Variants in SMS observed in about 807,000 individuals in gnomAD.
SMS encodes the protein spermidine aminopropyltransferase.
SMS carries 3 observed loss-of-function variants against 33.0 expected under a neutral mutation model. That is an observed-to-expected ratio of 0.09 (90% confidence interval 0.04 to 0.23). The LOEUF (loss-of-function observed/expected upper bound fraction) is 0.23. SMS is among the 10% of genes least tolerant of loss of function. The probability of loss-of-function intolerance (pLI) is 1.00; values close to 1 mark genes in which losing one functional copy is unlikely to be tolerated. For synonymous variants in SMS, 103 were observed against 112.2 expected (o/e 0.92, Z 0.52); for missense variants, 117 against 288.6 (o/e 0.41, Z 4.31).
chrX:21,968,634 A>G (rs1923908868), intron 2 of SMS, among the ~76,000 whole-genome samples: 1 of 112,327 alleles, frequency 8.9e-6, no homozygotes, highest in Non-Finnish European at 1.9e-5. Flanking sequence ...ACCGCAGACC[A>G]TGGTAAAATG....
intron 2 of SMS, 106 bp downstream of exon 2, chrX:21,967,422 C>A: frequency 1.1e-6 from 1 of 878,296 alleles, no homozygotes; most frequent in Non-Finnish European, 1.7e-6. Flanking sequence ...TCTCCTTTGA[C>A]ATCTTTTAGG....
At chrX:21,983,947 T>A (rs974054478) in intron 7 of SMS, among the ~76,000 whole-genome samples, 1 of 111,573 alleles carries the variant, frequency 9.0e-6, no homozygotes, top group Non-Finnish European at 1.9e-5. Flanking sequence ...CAGTATAGAT[T>A]AGAGATGAAA....
Position 21,973,810 on chromosome X carries a change from A to G in SMS, c.329+1239A>G, listed in dbSNP as rs748643837. On this transcript the variant is annotated intron_variant, in intron 4 of 10. Coordinates refer to ENST00000404933, the MANE Select transcript of SMS (RefSeq NM_004595.5). ...AGTGTCTGCCATGTGGGACAGTACA[A>G]CTACGGAACATTTTCATCATCCAAA... 2.6e-5 allele frequency among the ~76,000 whole-genome samples: 3 copies of G among 113,446 alleles called. No individual in the cohort carries two copies. The South Asian group carries it at 1.1e-3, about 41-fold the overall frequency.
intron 7 of SMS, among the ~76,000 whole-genome samples, chrX:21,981,826 G>A (rs1924966099): frequency 9.0e-6 from 1 of 111,441 alleles, no homozygotes; most frequent in Non-Finnish European, 1.9e-5. Flanking sequence ...ATCTCTTAAA[G>A]ATAGGACACT....
intron 1 of SMS, among the ~76,000 whole-genome samples, chrX:21,965,584 C>CAAAAAAAAAAAAA (rs372094407): frequency 7.1e-4 from 43 of 60,536 alleles, no homozygotes; most frequent in East Asian, 1.5e-3. Context: ...ACTACAAATA[C>CAAAAAAAAAAAAA]AAAAAAAAAA....
At chrX:21,992,013 T>C (rs1238479016) in intron 9 of SMS, among the ~76,000 whole-genome samples, 1 of 111,703 alleles carries the variant, frequency 9.0e-6, no homozygotes, top group Non-Finnish European at 1.9e-5. Flanking sequence ...AAGGGAGAAA[T>C]GTTAGAATAA....
intron 1 of SMS, among the ~76,000 whole-genome samples, chrX:21,948,836 C>T (rs1417922738): frequency 8.9e-6 from 1 of 112,225 alleles, no homozygotes; most frequent in Non-Finnish European, 1.9e-5. Context: ...CAGTTGTAAC[C>T]TAAGCCTGCT....
chrX:21,978,166 T>G, intron 6 of SMS, 52 bp downstream of exon 6: 1 of 1,090,685 alleles, frequency 9.2e-7, no homozygotes, highest in South Asian at 1.8e-5. Context: ...TTTGTTTCCT[T>G]CCTTCAGTGT....
intron 1 of SMS, among the ~76,000 whole-genome samples, chrX:21,950,470 A>T (rs1228089674): frequency 1.1e-5 from 1 of 93,521 alleles, no homozygotes; most frequent in Non-Finnish European, 2.1e-5. Context: ...GAGTTCTGGG[A>T]TGCAGTACAG....
At chrX:21,950,292 T>C (rs1325483180) in intron 1 of SMS, among the ~76,000 whole-genome samples, 2 of 111,087 alleles carry the variant, frequency 1.8e-5, no homozygotes, top group Admixed American at 9.6e-5. Context: ...TTGAGGAAGA[T>C]GGTCATGGGT....
intron 1 of SMS, among the ~76,000 whole-genome samples, chrX:21,960,686 C>G (rs1253026217): frequency 2.7e-5 from 3 of 111,808 alleles, no homozygotes; most frequent in Admixed American, 9.5e-5. Context: ...TCTGTTCCAA[C>G]CGCCTCATTT....
At chrX:21,951,853 G>A (rs1233877964) in intron 1 of SMS, among the ~76,000 whole-genome samples, 1 of 110,784 alleles carries the variant, frequency 9.0e-6, no homozygotes, top group African/African-American at 3.3e-5. Flanking sequence ...TGTTCAAGTA[G>A]TGGTTTGTGC....
At chrX:21,979,953 TAA>T (rs1026415211) in intron 7 of SMS, among the ~76,000 whole-genome samples, 19 of 92,559 alleles carry the variant, frequency 2.1e-4, no homozygotes, top group African/African-American at 6.8e-4. Flanking sequence ...AAAATCTTAA[TAA>T]AAAAAAAAAC....
At chrX:21,968,633 C>G (rs992938765) in intron 2 of SMS, among the ~76,000 whole-genome samples, 4 of 111,943 alleles carry the variant, frequency 3.6e-5, no homozygotes, top group Admixed American at 1.9e-4. Context: ...TACCGCAGAC[C>G]ATGGTAAAAT....
At chrX:21,964,865 T>G (rs1487144879) in intron 1 of SMS, among the ~76,000 whole-genome samples, 3 of 112,177 alleles carry the variant, frequency 2.7e-5, no homozygotes, top group Non-Finnish European at 3.8e-5. Flanking sequence ...ACAAATTGGA[T>G]AGTTTACAAT....
chrX:21,949,833 C>A (rs1922483490), intron 1 of SMS, among the ~76,000 whole-genome samples: 1 of 110,835 alleles, frequency 9.0e-6, no homozygotes, highest in African/African-American at 3.3e-5. Flanking sequence ...CATCCCTAAT[C>A]CGAAATGCTC....
At chrX:21,970,909 T>G (rs1924104772) in intron 2 of SMS, among the ~76,000 whole-genome samples, 1 of 110,783 alleles carries the variant, frequency 9.0e-6, no homozygotes, top group Admixed American at 9.6e-5. Context: ...AACAAATACA[T>G]GCATAGGCCG....
chrX:21,946,759 A>G (rs1181635423), intron 1 of SMS, among the ~76,000 whole-genome samples: 1 of 111,937 alleles, frequency 8.9e-6, no homozygotes, highest in East Asian at 2.8e-4. Flanking sequence ...TGACAGCCCA[A>G]AATGTCCATA....
intron 9 of SMS, 48 bp from the exon 10 acceptor site, chrX:21,992,549 C>G (rs760036953): frequency 1.3e-6 from 1 of 765,122 alleles, no homozygotes. Flanking sequence ...TGAGTGGGGC[C>G]CTTGGAAGGA....
Sources: allele counts gnomAD v4.1 joint callset (sites outside exome capture counted in the v4.1 genomes callset), GRCh38; gene constraint gnomAD v4.1.1; transcripts MANE v1.5; gene names NCBI Gene and HGNC (gene_info 2026-07-23, HGNC 2026-07-21).